Variants in PALM2AKAP2 observed in about 807,000 individuals in gnomAD.
PALM2AKAP2 encodes PALM2 and AKAP2 fusion.
In PALM2AKAP2, 37 loss-of-function variants were observed where a neutral mutation model predicts 71.5. That is an observed-to-expected ratio of 0.52 (90% confidence interval 0.40 to 0.68). PALM2AKAP2 has a LOEUF of 0.68. Among genes scored for constraint, PALM2AKAP2 ranks in the 30% least tolerant of loss-of-function variants. PALM2AKAP2 has a pLI of 0.00. For missense variants in PALM2AKAP2, 1,224 were observed against 1,191.8 expected (o/e 1.03, Z -0.40); for synonymous variants, 468 against 478.8 (o/e 0.98, Z 0.29).
chr9:109,701,215 A>C (rs1012275109), intron 1 of PALM2AKAP2, among the ~76,000 whole-genome samples: 3 of 152,206 alleles, frequency 2.0e-5, no homozygotes, highest in African/African-American at 7.2e-5. Flanking sequence ...ACTACCAATG[A>C]CTTTCTTCAC....
At chr9:109,780,312 G>A (rs964496506), upstream of PALM2AKAP2, 9 of 1,357,626 alleles carry the variant, frequency 6.6e-6, no homozygotes, top group African/African-American at 4.5e-5. Context: ...GGCTGAGCCC[G>A]GGCGAGCCCG....
chr9:110,088,610 C>T (rs563283988), intron 1 of PALM2AKAP2, among the ~76,000 whole-genome samples: 2 of 149,938 alleles, frequency 1.3e-5, no homozygotes, highest in Non-Finnish European at 2.9e-5. Flanking sequence ...TTCCCTGCCT[C>T]TAGACCCTAT....
At chr9:109,810,741 C>G (rs1460991542) in intron 1 of PALM2AKAP2, among the ~76,000 whole-genome samples, 1 of 152,034 alleles carries the variant, frequency 6.6e-6, no homozygotes, top group Non-Finnish European at 1.5e-5. Context: ...AGAGAATGAT[C>G]TAGAGCCTGA....
At chr9:110,038,898 G>A in intron 7 of PALM2AKAP2, among the ~76,000 whole-genome samples, 1 of 61,378 alleles carries the variant, frequency 1.6e-5, no homozygotes, top group South Asian at 5.3e-4. Flanking sequence ...CCGCGATTGT[G>A]CCACTCCAGC....
intron 1 of PALM2AKAP2, among the ~76,000 whole-genome samples, chr9:110,062,849 G>T (rs1445352892): frequency 1.3e-5 from 2 of 152,140 alleles, no homozygotes; most frequent in Non-Finnish European, 2.9e-5. Flanking sequence ...ACGCAAACCT[G>T]CCTCCCCTCT....
chr9:109,779,889 C>G (rs933459558), upstream of PALM2AKAP2, among the ~76,000 whole-genome samples: 2 of 152,172 alleles, frequency 1.3e-5, no homozygotes, highest in Non-Finnish European at 2.9e-5. Context: ...TTCGGTCAGA[C>G]GCCCCTCTCC....
chr9:109,641,095 G>C (rs1211224230), intron 1 of PALM2AKAP2, among the ~76,000 whole-genome samples: 2 of 152,246 alleles, frequency 1.3e-5, no homozygotes, highest in Admixed American at 1.3e-4. Flanking sequence ...GCAGGGCCTG[G>C]GGGGCGAGTG....
chr9:109,951,695 G>A (rs1831645931), intron 6 of PALM2AKAP2, among the ~76,000 whole-genome samples: 1 of 152,272 alleles, frequency 6.6e-6, no homozygotes, highest in East Asian at 1.9e-4. Context: ...TCCCAGGTGG[G>A]GCCCAGTAGC....
intron 5 of PALM2AKAP2, among the ~76,000 whole-genome samples, chr9:109,930,034 T>C (rs1177859479): frequency 6.6e-6 from 1 of 151,942 alleles, no homozygotes; most frequent in East Asian, 1.9e-4. Context: ...CAGCCCACCA[T>C]CATCTCAAAG....
chr9:110,019,480 C>G (rs186831716), intron 7 of PALM2AKAP2, among the ~76,000 whole-genome samples: 58 of 152,198 alleles, frequency 3.8e-4, no homozygotes, highest in African/African-American at 1.4e-3. Flanking sequence ...ATCGTCTTAT[C>G]AAAAAGACAC....
intron 1 of PALM2AKAP2, among the ~76,000 whole-genome samples, chr9:109,793,764 A>C (rs906175043): frequency 1.3e-5 from 2 of 152,200 alleles, no homozygotes; most frequent in African/African-American, 4.8e-5. Context: ...TATTTTTACA[A>C]ATTTGAAAAA....
At chr9:110,038,096 G>A (rs554905147) in intron 7 of PALM2AKAP2, among the ~76,000 whole-genome samples, 9 of 152,172 alleles carry the variant, frequency 5.9e-5, no homozygotes, top group South Asian at 4.1e-4. Flanking sequence ...TAGCACTTTG[G>A]AAGGCCCTCA....
At chr9:110,041,143 A>G (rs190154588) in intron 7 of PALM2AKAP2, among the ~76,000 whole-genome samples, 2 of 152,230 alleles carry the variant, frequency 1.3e-5, no homozygotes, top group East Asian at 3.9e-4. Flanking sequence ...TCAAGGTGCC[A>G]TCTTGCTTTC....
intron 1 of PALM2AKAP2, among the ~76,000 whole-genome samples, chr9:109,713,652 A>G (rs1288493071): frequency 6.6e-6 from 1 of 152,210 alleles, no homozygotes; most frequent in Non-Finnish European, 1.5e-5. Context: ...TAGCAAGCAG[A>G]TCTGAAGAAA....
chr9:110,059,002 C>T lies in PALM2AKAP2; in HGVS notation c.156+10147C>T, dbSNP rs146217815. ...GCAACCTCCGCCCCCTGGGTTCAAG[C>T]GATTCTGCTGCCTCAGCCTCCCTAG... On this transcript the variant is annotated intron_variant, in intron 1 of 3. Transcript: ENST00000374525. Among the ~76,000 whole-genome samples the T allele has an allele frequency of 5.5e-3, 804 of 146,308 alleles. 6 individuals are homozygous for T. The highest frequency in any genetic ancestry group is 0.034 in the Middle Eastern group (9 of 264).
At chr9:109,998,590 C>G (rs1832617838) in intron 6 of PALM2AKAP2, among the ~76,000 whole-genome samples, 1 of 138,912 alleles carries the variant, frequency 7.2e-6, no homozygotes, top group Admixed American at 7.8e-5. Context: ...TTGTTTGTGG[C>G]TCAGCTCTTC....
chr9:109,728,717 GA>G (rs919322687), intron 1 of PALM2AKAP2, among the ~76,000 whole-genome samples: 2 of 152,114 alleles, frequency 1.3e-5, no homozygotes, highest in African/African-American at 4.8e-5. Flanking sequence ...GGAGTGTGCA[GA>G]AAAATAGTTC....
chr9:109,985,656 C>CTTT (rs568197028), intron 6 of PALM2AKAP2, among the ~76,000 whole-genome samples: 10 of 132,066 alleles, frequency 7.6e-5, no homozygotes, highest in African/African-American at 2.8e-4. Context: ...TTCTTTCTTT[C>CTTT]TTTTTTTTTT....
In PALM2AKAP2 at chr9:109,969,088, GCACA is replaced by G. The variant is rs34057385; in HGVS notation, c.496+37082_496+37085del. Reference sequence around the variant, plus strand: ...TTCCTGCACCTCTACAAATGTGCGTGCACACACACACACACACACACACACGACT... The same window carrying G: ...TTCCTGCACCTCTACAAATGTGCGTGCACACACACACACACACACACGACT... On this transcript the variant is annotated intron_variant, in intron 6 of 9. Transcript: ENST00000302798. 2.7e-5 allele frequency among the ~76,000 whole-genome samples: 4 copies of G among 149,704 alleles called. No individual in the cohort carries two copies. In the South Asian group the frequency reaches 6.4e-4, roughly 24 times the overall value.
Sources: allele counts gnomAD v4.1 joint callset (sites outside exome capture counted in the v4.1 genomes callset), GRCh38; gene constraint gnomAD v4.1.1; transcripts MANE v1.5; gene names NCBI Gene and HGNC (gene_info 2026-07-23, HGNC 2026-07-21).